Variants in PLGRKT observed in about 807,000 individuals in gnomAD.
The protein encoded by PLGRKT is plasminogen receptor (KT).
In PLGRKT, 22 loss-of-function variants were observed where a neutral mutation model predicts 18.5. That is an observed-to-expected ratio of 1.19 (90% CI 0.85 to 1.70). PLGRKT has a LOEUF of 1.70. Ranked by LOEUF, PLGRKT falls within the 40% of genes most tolerant of loss-of-function variation. The pLI is 0.00. For missense variants in PLGRKT, 235 were observed against 174.4 expected, an observed-to-expected ratio of 1.35 and a Z score of -1.96; for synonymous variants, 72 against 52.8, an observed-to-expected ratio of 1.36 and a Z score of -1.58.
intron 3 of PLGRKT, among the ~76,000 whole-genome samples, chr9:5,388,334 G>A (rs73395282): frequency 0.045 from 6,783 of 151,910 alleles, 586 homozygotes; most frequent in African/African-American, 0.15. Context: ...AAAAGTTGCT[G>A]AGAAATTGGG....
chr9:5,363,640 C>T (rs1355573244), intron 3 of PLGRKT, among the ~76,000 whole-genome samples: 1 of 152,132 alleles, frequency 6.6e-6, no homozygotes, highest in Non-Finnish European at 1.5e-5. Flanking sequence ...GGAAGCAGGG[C>T]CATAATTCTC....
chr9:5,373,609 G>A (rs1265794991), intron 3 of PLGRKT, among the ~76,000 whole-genome samples: 1 of 152,064 alleles, frequency 6.6e-6, no homozygotes, highest in Non-Finnish European at 1.5e-5. Flanking sequence ...AGACCAGCCT[G>A]GGCAACATAG....
At chr9:5,362,478 G>A (rs1001707551) in intron 3 of PLGRKT, among the ~76,000 whole-genome samples, 4 of 152,158 alleles carry the variant, frequency 2.6e-5, no homozygotes, top group African/African-American at 4.8e-5. Context: ...AACAGAGAAG[G>A]AAACTGAATT....
chr9:5,377,194 T>G (rs964254784), intron 3 of PLGRKT, among the ~76,000 whole-genome samples: 4 of 151,686 alleles, frequency 2.6e-5, no homozygotes, highest in Non-Finnish European at 5.9e-5. Flanking sequence ...TTAGACACAC[T>G]GTCAAGTGCA....
intron 3 of PLGRKT, among the ~76,000 whole-genome samples, chr9:5,395,454 T>A: frequency 6.6e-6 from 1 of 151,940 alleles, no homozygotes; most frequent in Admixed American, 6.5e-5. Context: ...GGACAGTAGT[T>A]CTGACCATTG....
At chr9:5,436,359 A>C (rs1356098409) in intron 2 of PLGRKT, among the ~76,000 whole-genome samples, 1 of 152,224 alleles carries the variant, frequency 6.6e-6, no homozygotes, top group Non-Finnish European at 1.5e-5. Flanking sequence ...ATAGGAGTGG[A>C]TGACTAAATT....
chr9:5,372,745 G>A (rs568326817), intron 3 of PLGRKT, among the ~76,000 whole-genome samples: 1 of 152,294 alleles, frequency 6.6e-6, no homozygotes, highest in East Asian at 1.9e-4. Flanking sequence ...GCAGAACCAG[G>A]TCAGATGTAA....
chr9:5,431,881 T>G lies in PLGRKT; in HGVS notation c.81+16A>C, dbSNP rs1478380757. 2 of 1,265,454 alleles carry G rather than the reference T, an allele frequency of 1.6e-6. No homozygotes were observed. Among genetic ancestry groups the G allele is most frequent in the Non-Finnish European group, 2.3e-6 (2 of 865,140 alleles). The allele number at this position is 1,265,454 out of a possible 1,614,324, so 78.4% of individuals were successfully genotyped here. ...GCATTGTAACAACATAATAGCTTAA[T>G]TATTTTAAAACATACCTGAAGTCGA... On this transcript the variant is annotated intron_variant, in intron 3 of 5. Transcript: ENST00000223864.
chr9:5,377,017 C>T (rs1041429078), intron 3 of PLGRKT, among the ~76,000 whole-genome samples: 1 of 152,100 alleles, frequency 6.6e-6, no homozygotes, highest in Non-Finnish European at 1.5e-5. Context: ...CTTAAGCCTT[C>T]ATTTCAGAAT....
chr9:5,375,531 C>T (rs1200670075), intron 3 of PLGRKT, among the ~76,000 whole-genome samples: 1 of 152,064 alleles, frequency 6.6e-6, no homozygotes, highest in East Asian at 1.9e-4. Flanking sequence ...TTTGAAACTG[C>T]TTGTATAATC....
chr9:5,373,073 C>A (rs139387575), intron 3 of PLGRKT, among the ~76,000 whole-genome samples: 155 of 152,292 alleles, frequency 1.0e-3, no homozygotes, highest in African/African-American at 3.7e-3. Flanking sequence ...ATTGCCATCT[C>A]AAAATCCTTC....
At chr9:5,359,799 TG>T (rs1563763600) in intron 5 of PLGRKT, among the ~76,000 whole-genome samples, 1 of 152,212 alleles carries the variant, frequency 6.6e-6, no homozygotes, top group African/African-American at 2.4e-5. Flanking sequence ...CAGGATTCTG[TG>T]ACAGCAGCAG....
chr9:5,387,099 T>C (rs1038683580), intron 3 of PLGRKT, among the ~76,000 whole-genome samples: 2 of 151,966 alleles, frequency 1.3e-5, no homozygotes, highest in African/African-American at 2.4e-5. Context: ...GTTCTGATTA[T>C]GTAGACCTAG....
intron 2 of PLGRKT, among the ~76,000 whole-genome samples, chr9:5,433,803 G>A (rs546646141): frequency 3.2e-4 from 38 of 119,844 alleles, no homozygotes; most frequent in African/African-American, 6.9e-4. Flanking sequence ...TGGCTGCCCC[G>A]TCTGGGAAGT....
At chr9:5,414,248 C>A (rs556689049) in intron 3 of PLGRKT, among the ~76,000 whole-genome samples, 1 of 152,294 alleles carries the variant, frequency 6.6e-6, no homozygotes, top group African/African-American at 2.4e-5. Context: ...CTCACTGCAA[C>A]TTCCGCTTCC....
chr9:5,374,686 T>A (rs1374138080), intron 3 of PLGRKT, among the ~76,000 whole-genome samples: 1 of 152,206 alleles, frequency 6.6e-6, no homozygotes, highest in Non-Finnish European at 1.5e-5. Context: ...TAAATAATTT[T>A]AGGCAAGTCT....
intron 3 of PLGRKT, 59 bp downstream of exon 3, chr9:5,431,838 A>AT (rs1818832452): frequency 7.5e-6 from 6 of 804,474 alleles, no homozygotes; most frequent in South Asian, 5.8e-5. Context: ...GCTGGAGTAC[A>AT]TGTGGTAGAA....
chr9:5,363,403 T>C (rs1199903400), intron 3 of PLGRKT, among the ~76,000 whole-genome samples: 4 of 151,660 alleles, frequency 2.6e-5, no homozygotes, highest in Admixed American at 6.6e-5. Flanking sequence ...GTGTGTGTTA[T>C]GGGGTCCCCT....
chr9:5,418,282 G>A lies in PLGRKT; in HGVS notation c.81+13615C>T, dbSNP rs1324546574. ...CTCTCAGCACCAAATGGTCAGTGTC[G>A]CCCCCTCATCTTCTCACTGGGATCT... On this transcript the variant is annotated intron_variant, in intron 3 of 5. Transcript: ENST00000223864. This position sits in a 1 kb window ranked among gnomAD's most constrained non-coding sequence, Gnocchi z 4.2. 20 of 472,814 alleles carry A rather than the reference G, an allele frequency of 4.2e-5. No individual in the cohort carries two copies. The highest frequency in any genetic ancestry group is 9.4e-5 in the South Asian group (4 of 42,374). 29.3% of individuals were successfully genotyped at this position (472,814 alleles called of 1,614,324 possible).
Sources: gnomAD v4.1 joint callset for allele counts (sites outside exome capture counted in the v4.1 genomes callset) on GRCh38, gnomAD v4.1.1 for gene constraint, Gnocchi (gnomAD v3.1) non-coding constraint, MANE v1.5 for transcripts, NCBI Gene and HGNC (gene_info 2026-07-23, HGNC 2026-07-21) for gene names.